Variants in DPH7 observed in about 807,000 individuals in gnomAD.
The protein encoded by DPH7 is diphthine methyltransferase.
Under a neutral mutation model 41.7 loss-of-function variants are expected in DPH7, and 44 were observed. The observed-to-expected ratio is 1.05, with a 90% CI of 0.83 to 1.36. The LOEUF (loss-of-function observed/expected upper bound fraction) is 1.36. DPH7 is among the 40% of genes most tolerant of loss of function. The pLI, the probability that DPH7 is intolerant of heterozygous loss-of-function variation, is 0.00. For missense variants in DPH7, 629 were observed against 577.5 expected, an observed-to-expected ratio of 1.09 and a Z score of -0.91; for synonymous variants, 275 against 238.0, an observed-to-expected ratio of 1.16 and a Z score of -1.43.
In DPH7 at chr9:137,578,796, C is replaced by A. The variant is rs1188136132; in HGVS notation, c.-19G>T. On this transcript the variant is annotated 5_prime_UTR_variant, in exon 1 of 9. Transcript: ENST00000277540. ...CCATCATCCAGCCCTCGGGGAAGGG[C>A]GCGGAGCCGGCAGTAGAGGCGGGTC... 2.8e-6 allele frequency: 4 copies of A among 1,441,450 alleles called. No individual in the cohort carries two copies. The highest frequency in any genetic ancestry group is 2.8e-5 in the Admixed American group (1 of 35,194). 89.3% of individuals were successfully genotyped at this position (1,441,450 alleles called of 1,614,324 possible).
In DPH7 at chr9:137,574,201, T is replaced by A. The variant is rs1394560343; in HGVS notation, c.640+7A>T. 2 of 1,613,772 alleles carry A rather than the reference T, an allele frequency of 1.2e-6. No individual in the cohort carries two copies. The highest frequency in any genetic ancestry group is 1.7e-6 in the Non-Finnish European group (2 of 1,179,804). On this transcript the variant is annotated splice_region_variant and intron_variant, in intron 5 of 8. Transcript: ENST00000277540. Reference sequence around the variant, plus strand: ...CCATCAGAGGTGACCGGTGGAGGAATACTGACCTGAATACACAATTTCTGG... The same window carrying A: ...CCATCAGAGGTGACCGGTGGAGGAAAACTGACCTGAATACACAATTTCTGG...
chr9:137,558,213 T>C (rs1363548542), intron 8 of DPH7, among the ~76,000 whole-genome samples: 1 of 152,188 alleles, frequency 6.6e-6, no homozygotes, highest in African/African-American at 2.4e-5. Flanking sequence ...CTCTCAGACC[T>C]GTCTTAGTTC....
rs529577900 is a variant in DPH7 at position 137,554,901 on chromosome 9, G to A, written c.*338C>T. 110 of 231,442 alleles carry A rather than the reference G, an allele frequency of 4.8e-4. No individual in the cohort carries two copies. In the East Asian group the frequency reaches 5.8e-3, roughly 12 times the overall value. 14.3% of individuals were successfully genotyped at this position (231,442 alleles called of 1,614,324 possible). On this transcript the variant is annotated 3_prime_UTR_variant, in exon 9 of 9. Transcript: ENST00000277540. ...TTCATTTTAAACATGTTATAAACTC[G>A]TGTTTTTCAAAAAACTTCATTTAAT...
chr9:137,562,678 A>G (rs1838828993), intron 8 of DPH7, among the ~76,000 whole-genome samples: 2 of 151,984 alleles, frequency 1.3e-5, no homozygotes, highest in Non-Finnish European at 2.9e-5. Flanking sequence ...AGGTGGAAGG[A>G]TGGTTTGAGC....
At chr9:137,569,993 C>T (rs1360066793) in intron 5 of DPH7, among the ~76,000 whole-genome samples, 1 of 150,618 alleles carries the variant, frequency 6.6e-6, no homozygotes, top group African/African-American at 2.4e-5. Context: ...TCCATCCATC[C>T]AGTCACCCAC....
intron 8 of DPH7, among the ~76,000 whole-genome samples, chr9:137,564,150 A>G (rs917565618): frequency 1.3e-5 from 2 of 152,148 alleles, no homozygotes; most frequent in Non-Finnish European, 2.9e-5. Flanking sequence ...AAGCCTCCAG[A>G]CTAGAGGTCC....
chr9:137,565,277 G>A (rs1839438379), intron 5 of DPH7, 123 bp from the exon 6 acceptor site: 1 of 723,590 alleles, frequency 1.4e-6, no homozygotes, highest in African/African-American at 2.2e-5. Context: ...TCCCCGGGGT[G>A]ACTCTGTCTG....
chr9:137,567,714 C>A, intron 5 of DPH7, among the ~76,000 whole-genome samples: 1 of 9,578 alleles, frequency 1.0e-4, no homozygotes, highest in Non-Finnish European at 1.7e-4. Context: ...TGAGGAAGCT[C>A]CCCGGGGTGA....
At chr9:137,560,773 G>A (rs957547758) in intron 8 of DPH7, among the ~76,000 whole-genome samples, 4 of 149,800 alleles carry the variant, frequency 2.7e-5, no homozygotes, top group South Asian at 2.1e-4. Flanking sequence ...GGAGAATGGC[G>A]TGAACCCGGG....
chr9:137,578,080 G>T lies in DPH7; in HGVS notation c.154-477C>A, dbSNP rs896333656. 4 of 758,514 alleles carry T rather than the reference G, an allele frequency of 5.3e-6. No individual in the cohort carries two copies. The African/African-American group carries it at 7.6e-5, about 14-fold the overall frequency. The allele number at this position is 758,514 out of a possible 1,614,324, so 47.0% of individuals were successfully genotyped here. A position where few individuals can be genotyped will look rare whatever the true frequency, so the allele number is the denominator to read the frequency against. ...TGCCTGTGGTGCCAGCTACTCAGGG[G>T]GTTGAGGCGGGAGGATGCCCTGAGC... On this transcript the variant is annotated intron_variant, in intron 1 of 8. Transcript: ENST00000277540.
chr9:137,574,040 T>A (rs1280318760), intron 5 of DPH7, among the ~76,000 whole-genome samples, 168 bp downstream of exon 5: 1 of 152,158 alleles, frequency 6.6e-6, no homozygotes, highest in East Asian at 1.9e-4. Flanking sequence ...CACTCTAGCC[T>A]GGCAAAAGAG....
intron 3 of DPH7, chr9:137,575,737 C>T (rs774694486): frequency 5.1e-5 from 55 of 1,080,640 alleles, no homozygotes; most frequent in Non-Finnish European, 6.1e-5. Flanking sequence ...GTGAGAAATG[C>T]CATCTTCACA....
chr9:137,574,117 G>C, intron 5 of DPH7, 91 bp downstream of exon 5: 2 of 1,336,662 alleles, frequency 1.5e-6, no homozygotes, highest in South Asian at 2.7e-5. Context: ...AACATAACTG[G>C]AATCACAGCT....
intron 8 of DPH7, among the ~76,000 whole-genome samples, chr9:137,560,828 C>T (rs1278404396): frequency 6.8e-6 from 1 of 147,350 alleles, no homozygotes; most frequent in Non-Finnish European, 1.5e-5. Flanking sequence ...TGCACTCCAG[C>T]CTGGGTGACA....
intron 8 of DPH7, among the ~76,000 whole-genome samples, chr9:137,557,265 T>C (rs1588776355): frequency 1.3e-5 from 2 of 152,258 alleles, no homozygotes; most frequent in South Asian, 4.2e-4. Flanking sequence ...CCCAGCACTT[T>C]GGGAAGCCAA....
At chr9:137,577,760 T>C (rs1841678094) in intron 1 of DPH7, among the ~76,000 whole-genome samples, 157 bp from the exon 2 acceptor site, 1 of 152,148 alleles carries the variant, frequency 6.6e-6, no homozygotes, top group Non-Finnish European at 1.5e-5. Context: ...TGGAGAAACG[T>C]CTATTAATGA....
intron 1 of DPH7, 98 bp from the exon 2 acceptor site, chr9:137,577,701 C>T (rs1164536133): frequency 4.8e-6 from 7 of 1,463,492 alleles, no homozygotes; most frequent in Non-Finnish European, 6.5e-6. Flanking sequence ...TTTGCCATGA[C>T]TAAAGGAGTG....
intron 5 of DPH7, among the ~76,000 whole-genome samples, chr9:137,570,291 A>G (rs1460304931): frequency 2.0e-5 from 3 of 152,246 alleles, no homozygotes; most frequent in Non-Finnish European, 2.9e-5. Context: ...CTCAAGTATG[A>G]GCTGCCATTC....
chr9:137,577,546 A>C lies in DPH7; in HGVS notation c.211T>G (p.Phe71Val). The C allele has an allele frequency of 6.2e-7, 1 of 1,614,062 alleles. No individual in the cohort carries two copies. Among genetic ancestry groups the C allele is most frequent in the Middle Eastern group, 1.6e-4 (1 of 6,062 alleles). Residue 71 changes from phenylalanine to valine, a missense_variant, in exon 2 of 9, where the codon TTC becomes GTC. Transcript: ENST00000277540. ...GGGTGAATAGAGTTGTTGTCATTGA[A>C]ACTGTACAGGAAGAGACGGCCTAAA... Reference protein sequence around the residue: ...VRLGRLFLYSFNDNNSIHPLV... With the variant: ...VRLGRLFLYSVNDNNSIHPLV...
Sources: allele counts gnomAD v4.1 joint callset (sites outside exome capture counted in the v4.1 genomes callset), GRCh38; gene constraint gnomAD v4.1.1; transcripts MANE v1.5; gene names NCBI Gene and HGNC (gene_info 2026-07-23, HGNC 2026-07-21).